The following AK8 variants were observed in gnomAD, a reference collection of about 807,000 sequenced individuals.
AK8 encodes ATP-AMP transphosphorylase 8.
A neutral mutation model predicts 54.6 loss-of-function variants in AK8; 44 were observed. The ratio of observed to expected loss-of-function variants is 0.81; its 90% CI spans 0.63 to 1.04. The LOEUF is 1.04. AK8 is among the 50% of genes least tolerant of loss of function. AK8 has a pLI of 0.00. For missense variants in AK8, 555 were observed against 613.6 expected, an observed-to-expected ratio of 0.90 and a Z score of 1.01; for synonymous variants, 239 against 245.6, an observed-to-expected ratio of 0.97 and a Z score of 0.25.
intron 3 of AK8, among the ~76,000 whole-genome samples, 195 bp from the exon 4 acceptor site, chr9:132,863,973 A>G (rs554288746): frequency 1.3e-5 from 2 of 152,300 alleles, no homozygotes; most frequent in African/African-American, 2.4e-5. Context: ...AGCCCTGCTC[A>G]TAGCATCTCT....
intron 11 of AK8, among the ~76,000 whole-genome samples, chr9:132,771,862 A>G (rs1317597619): frequency 1.3e-5 from 2 of 152,208 alleles, no homozygotes; most frequent in African/African-American, 4.8e-5. Flanking sequence ...AGGAAAGAGG[A>G]TTAATGGACT....
At chr9:132,762,121 T>G (rs138292641) in intron 11 of AK8, among the ~76,000 whole-genome samples, 1 of 152,136 alleles carries the variant, frequency 6.6e-6, no homozygotes, top group Admixed American at 6.6e-5. Context: ...CTGCCCACCT[T>G]GGCCTCCCAA....
At chr9:132,808,387 C>T (rs1840824877) in intron 10 of AK8, among the ~76,000 whole-genome samples, 1 of 152,158 alleles carries the variant, frequency 6.6e-6, no homozygotes, top group Admixed American at 6.5e-5. Flanking sequence ...CTCCCCAGTC[C>T]TCTGTCCACA....
intron 11 of AK8, among the ~76,000 whole-genome samples, chr9:132,749,010 G>T (rs1217802191): frequency 1.3e-5 from 2 of 151,722 alleles, no homozygotes; most frequent in Non-Finnish European, 2.9e-5. Flanking sequence ...GAGTAGCTGG[G>T]ATTACAGGTA....
intron 5 of AK8, among the ~76,000 whole-genome samples, chr9:132,835,953 G>A (rs370429822): frequency 3.6e-4 from 55 of 152,202 alleles, no homozygotes; most frequent in South Asian, 1.0e-3. Context: ...GAGAAACCCC[G>A]TCTCTACTAA....
At position 132,814,661 on chromosome 9, in the gene AK8, G is replaced by A; in HGVS notation, c.956C>T (p.Pro319Leu). 6.2e-7 allele frequency: 1 copy of A among 1,614,104 alleles called. No homozygotes were observed. Among genetic ancestry groups the A allele is most frequent in the Non-Finnish European group, 8.5e-7 (1 of 1,180,024 alleles). Residue 319 changes from proline to leucine, a missense_variant, in exon 10 of 13, where the codon CCC (proline) becomes CTC (leucine). Transcript: ENST00000298545. ...ACCTGCCATCTCCTTTTCAAAGAAGGGCTGGATGAGCTCGCCAAACGTGGT... is the reference window on the plus strand; with the variant it reads ...ACCTGCCATCTCCTTTTCAAAGAAGAGCTGGATGAGCTCGCCAAACGTGGT... Reference protein sequence around the residue: ...DRTTFGELIQPFFEKEMAVPD... With the variant: ...DRTTFGELIQLFFEKEMAVPD...
At chr9:132,735,436 T>G (rs759327763) in intron 11 of AK8, among the ~76,000 whole-genome samples, 1 of 152,234 alleles carries the variant, frequency 6.6e-6, no homozygotes, top group African/African-American at 2.4e-5. Context: ...GGCCTGACTG[T>G]GTTGGCTTCT....
chr9:132,827,536 A>C (rs898432102), intron 7 of AK8: 27 of 197,728 alleles, frequency 1.4e-4, no homozygotes, highest in Admixed American at 2.2e-4. Context: ...GTCTCCCCCC[A>C]CCCTCCCGCC....
chr9:132,815,634 C>A (rs1196272013), intron 9 of AK8, among the ~76,000 whole-genome samples: 1 of 152,220 alleles, frequency 6.6e-6, no homozygotes, highest in Non-Finnish European at 1.5e-5. Flanking sequence ...GCTCTGGACA[C>A]CTGCTCGCCC....
At chr9:132,850,526 T>C (rs182495030) in intron 5 of AK8, among the ~76,000 whole-genome samples, 1 of 151,908 alleles carries the variant, frequency 6.6e-6, no homozygotes, top group Non-Finnish European at 1.5e-5. Flanking sequence ...GCCTCCCAAG[T>C]AGCTGGGATT....
rs539889943 is a variant in AK8 at position 132,803,716 on chromosome 9, C to T, written c.979+10922G>A. The stretch of plus-strand genomic sequence containing the variant: ...ACCAAGTCTGTGTGATTCTGAGCCA[C>T]GGCCCCTCCCATCTGGGAGTGACAG... On this transcript the variant is annotated intron_variant, in intron 10 of 12. Transcript: ENST00000298545. This position sits in a 1 kb window ranked among gnomAD's most constrained non-coding sequence, Gnocchi z 4.4. 3.3e-5 allele frequency among the ~76,000 whole-genome samples: 5 copies of T among 152,168 alleles called. No homozygotes were observed. The highest frequency in any genetic ancestry group is 7.4e-5 in the Non-Finnish European group (5 of 68,022).
chr9:132,755,760 A>C (rs528005118), intron 11 of AK8, among the ~76,000 whole-genome samples: 1 of 140,224 alleles, frequency 7.1e-6, no homozygotes, highest in East Asian at 2.3e-4. Context: ...ACTGGCTCCA[A>C]CTCTCAGATT....
chr9:132,760,585 T>C (rs1428761590), intron 11 of AK8, among the ~76,000 whole-genome samples: 2 of 152,180 alleles, frequency 1.3e-5, no homozygotes, highest in Non-Finnish European at 2.9e-5. Flanking sequence ...TTATTTACTT[T>C]TCTTGTCTTT....
At chr9:132,789,415 T>C (rs1839851923) in intron 11 of AK8, among the ~76,000 whole-genome samples, 1 of 151,472 alleles carries the variant, frequency 6.6e-6, no homozygotes, top group South Asian at 2.1e-4. Context: ...CTGGCCGACA[T>C]GGTAAAACCC....
Position 132,863,750 on chromosome 9 carries a change from C to T in AK8, c.248G>A (p.Ser83Asn), listed in dbSNP as rs1208535330. ...IAMWLCKHLN[S>N]SLLTLENLIL... ...CAGGTTCTCCAGGGTGAGGAGACTG[C>T]TGTTCAGATGTTTGCAGAGCCACAT... is the stretch of plus-strand genomic sequence containing the variant. The change falls in exon 4 of 13, where the codon AGC becomes AAC. Residue 83 changes from serine to asparagine, a missense_variant. Physicochemically the swap from Ser to Asn is conservative, Grantham distance 46. Transcript: ENST00000298545. 6.2e-7 allele frequency: 1 copy of T among 1,614,058 alleles called. No individual in the cohort carries two copies. The highest frequency in any genetic ancestry group is 2.2e-5 in the East Asian group (1 of 44,888).
intron 5 of AK8, among the ~76,000 whole-genome samples, chr9:132,849,958 G>A: frequency 6.6e-6 from 1 of 151,938 alleles, no homozygotes; most frequent in East Asian, 1.9e-4. Context: ...TGTTGGCCAG[G>A]CTGGTCTTGA....
In AK8 at chr9:132,812,933, T is replaced by G. The variant is rs515753; in HGVS notation, c.979+1705A>C. Among the ~76,000 whole-genome samples, 5 of 53,876 alleles carry G rather than the reference T, an allele frequency of 9.3e-5. 1 individual carries two copies. Among genetic ancestry groups the G allele is most frequent in the Non-Finnish European group, 1.9e-4 (5 of 26,830 alleles). The allele number at this position is 53,876 out of a possible 152,430, so 35.3% of individuals were successfully genotyped here. On this transcript the variant is annotated intron_variant, in intron 10 of 12. Transcript: ENST00000298545. ...CACCGCAGACACCCAGGACCAGACC[T>G]GCTCACTGCCCTGAGCCTACACAGA...
At chr9:132,755,341 A>G (rs951254659) in intron 11 of AK8, among the ~76,000 whole-genome samples, 3 of 152,144 alleles carry the variant, frequency 2.0e-5, no homozygotes, top group Non-Finnish European at 4.4e-5. Context: ...CCACGCTGGG[A>G]GAGAGTGCTG....
chr9:132,869,922 G>A (rs1843744330), intron 2 of AK8, among the ~76,000 whole-genome samples: 1 of 152,124 alleles, frequency 6.6e-6, no homozygotes, highest in African/African-American at 2.4e-5. Flanking sequence ...GGAGCAGTGG[G>A]GAACCTGGGT....
Sources: gnomAD v4.1 joint callset for allele counts (sites outside exome capture counted in the v4.1 genomes callset) on GRCh38, gnomAD v4.1.1 for gene constraint, Gnocchi (gnomAD v3.1) non-coding constraint, MANE v1.5 for transcripts, NCBI Gene and HGNC (gene_info 2026-07-23, HGNC 2026-07-21) for gene names.